The following CAPG variants were observed in gnomAD, a reference collection of about 807,000 sequenced individuals.
The protein encoded by CAPG is capping actin protein, gelsolin like.
A neutral mutation model predicts 44.6 loss-of-function variants in CAPG; 32 were observed. The observed-to-expected ratio is 0.72, with a 90% confidence interval of 0.54 to 0.96. The LOEUF (loss-of-function observed/expected upper bound fraction) is 0.96. CAPG is among the 50% of genes least tolerant of loss of function. The pLI is 0.00. For synonymous variants in CAPG, 175 were observed against 179.6 expected (o/e 0.97, Z 0.20); for missense variants, 412 against 438.3 (o/e 0.94, Z 0.54).
chr2:85,413,228 C>A (rs1687469081), upstream of CAPG: 1 of 152,264 alleles, frequency 6.6e-6, no homozygotes, highest in Non-Finnish European at 1.5e-5. Flanking sequence ...ACTCAGCTGT[C>A]TAGGCTAAAG....
chr2:85,408,197 C>T (rs983736970), intron 1 of CAPG, among the ~76,000 whole-genome samples: 1 of 152,068 alleles, frequency 6.6e-6, no homozygotes, highest in African/African-American at 2.4e-5. Flanking sequence ...ACAAAATTAG[C>T]CAGGCATGGT....
Position 85,409,417 on chromosome 2 carries a change from C to T in CAPG, c.-14+900G>A, listed in dbSNP as rs116452522. Reference sequence around the variant, plus strand: ...TCGGAGAGGAGGTCACCGTTACACACACCTTTAAGGAAAGACTTGACAGCC... The same window carrying T: ...TCGGAGAGGAGGTCACCGTTACACATACCTTTAAGGAAAGACTTGACAGCC... On this transcript the variant is annotated intron_variant, in intron 1 of 9. Coordinates refer to ENST00000263867, the MANE Select transcript of CAPG (RefSeq NM_001747.4). Among the ~76,000 whole-genome samples the T allele has an allele frequency of 5.0e-3, 767 of 152,262 alleles. 4 individuals carry two copies. Among genetic ancestry groups the T allele is most frequent in the African/African-American group, 0.018 (734 of 41,532 alleles).
At chr2:85,413,475 G>A (rs542891896), upstream of CAPG, among the ~76,000 whole-genome samples, 1 of 152,354 alleles carries the variant, frequency 6.6e-6, no homozygotes, top group Middle Eastern at 3.4e-3. Flanking sequence ...AGCTACTCGG[G>A]AGGCTAAGGC....
At chr2:85,397,373 T>C (rs1686646250) in intron 8 of CAPG, among the ~76,000 whole-genome samples, 1 of 152,202 alleles carries the variant, frequency 6.6e-6, no homozygotes. Flanking sequence ...TGAGGCTTGC[T>C]GTAGTTTCAG....
At chr2:85,400,394 C>G (rs1686823652) in intron 5 of CAPG, among the ~76,000 whole-genome samples, 2 of 152,186 alleles carry the variant, frequency 1.3e-5, no homozygotes, top group African/African-American at 4.8e-5. Context: ...TAGTCCTCAC[C>G]AAGAGCTCCT....
At chr2:85,403,245 T>G (rs766468618) in intron 1 of CAPG, among the ~76,000 whole-genome samples, 1 of 152,186 alleles carries the variant, frequency 6.6e-6, no homozygotes, top group African/African-American at 2.4e-5. Context: ...TTCAACCACT[T>G]ATATAAAATG....
upstream of CAPG, chr2:85,418,565 CG>C (rs1275787737): frequency 6.6e-6 from 1 of 151,728 alleles, no homozygotes; most frequent in African/African-American, 2.4e-5. Context: ...GGAGGGCCCT[CG>C]GGGACGGGAG....
chr2:85,396,020 A>G, intron 8 of CAPG: 1 of 193,368 alleles, frequency 5.2e-6, no homozygotes, highest in South Asian at 1.1e-4. Flanking sequence ...ACTAAATAAG[A>G]CAAAGGGTAC....
At chr2:85,409,313 G>A (rs1687314171) in intron 1 of CAPG, among the ~76,000 whole-genome samples, 1 of 152,194 alleles carries the variant, frequency 6.6e-6, no homozygotes, top group Non-Finnish European at 1.5e-5. Context: ...CCATGGGGCT[G>A]GGGGAGGGGA....
chr2:85,406,649 G>A (rs1189368136), intron 1 of CAPG, among the ~76,000 whole-genome samples: 3 of 151,870 alleles, frequency 2.0e-5, no homozygotes, highest in South Asian at 2.1e-4. Flanking sequence ...ACCTGAGGTC[G>A]GGAGTTCGAG....
At chr2:85,398,239 G>A (rs1333422285) in intron 7 of CAPG, 87 bp from the exon 8 acceptor site, 24 of 1,483,562 alleles carry the variant, frequency 1.6e-5, no homozygotes, top group Non-Finnish European at 1.7e-5. Flanking sequence ...TCCTCCCTAG[G>A]TCCCTCCCAC....
rs1344107255 is a variant in CAPG at position 85,395,484 on chromosome 2, G to C, written c.981+54C>G. 2.7e-6 allele frequency: 4 copies of C among 1,471,222 alleles called. No individual in the cohort carries two copies. The highest frequency in any genetic ancestry group is 3.8e-6 in the Non-Finnish European group (4 of 1,059,190). 91.1% of individuals were successfully genotyped at this position (1,471,222 alleles called of 1,614,324 possible). A position where few individuals can be genotyped will look rare whatever the true frequency, so the allele number is the denominator to read the frequency against. ...CCTTCCTGGCCAATTTGAGGGGTCA[G>C]GGGCCACAGGAAGAGCCCTAGGAAG... On this transcript the variant is annotated intron_variant, in intron 9 of 9. Transcript: ENST00000263867. This position sits in a 1 kb window ranked among gnomAD's most constrained non-coding sequence, Gnocchi z 4.3.
At chr2:85,400,982 T>A (rs1686855195) in intron 5 of CAPG, among the ~76,000 whole-genome samples, 183 bp downstream of exon 5, 2 of 152,246 alleles carry the variant, frequency 1.3e-5, no homozygotes, top group South Asian at 4.1e-4. Flanking sequence ...AATGTCTAGA[T>A]GGCAGAAGGA....
At position 85,404,446 on chromosome 2, in the gene CAPG, C is replaced by T. The variant is rs373205744; in HGVS notation, c.-13-2288G>A. 1.6e-4 allele frequency among the ~76,000 whole-genome samples: 24 copies of T among 152,122 alleles called. No individual in the cohort carries two copies. In the East Asian group the frequency reaches 1.7e-3, roughly 11 times the overall value. Reference sequence around the variant, plus strand: ...GCAATATAAGGAGACCACAACCCTACAAAAATTTTAAAAATCAGCCAAGGC... The same window carrying T: ...GCAATATAAGGAGACCACAACCCTATAAAAATTTTAAAAATCAGCCAAGGC... On this transcript the variant is annotated intron_variant, in intron 1 of 9. Coordinates refer to ENST00000263867, the MANE Select transcript of CAPG (RefSeq NM_001747.4).
In CAPG at chr2:85,399,250, G is replaced by A; in HGVS notation, c.552C>T (p.Ile184=). Residue 184 remains isoleucine, a synonymous_variant, in exon 6 of 10, where the codon ATC becomes ATT. Transcript: ENST00000263867. ...GGTCCCTCGCCTTGTTGCGTTCCAG[G>A]ATGTTGGACTTTCCACCACACCAGG... ...IFAWCGGKSN[I]LERNKARDLA... 1 of 1,614,192 alleles carries A rather than the reference G, an allele frequency of 6.2e-7. No homozygotes were observed. The highest frequency in any genetic ancestry group is 1.3e-5 in the African/African-American group (1 of 75,054).
rs750453148 is a variant in CAPG at position 85,399,161 on chromosome 2, C to T, written c.641G>A (p.Gly214Glu). 1 of 1,614,210 alleles carries T rather than the reference C, an allele frequency of 6.2e-7. No homozygotes were observed. The highest frequency in any genetic ancestry group is 1.7e-5 in the Admixed American group (1 of 60,038). Residue 214 changes from glycine to glutamate, a missense_variant, in exon 6 of 10, where the codon GGG (glycine) becomes GAG (glutamate). By Grantham distance (98) the Gly-to-Glu change is moderately conservative. Coordinates refer to ENST00000263867, the MANE Select transcript of CAPG (RefSeq NM_001747.4). The part of the protein sequence containing the change: ...GKAQVEIVTD[G>E]EEPAEMIQVL... ...CTGGATCATCTCAGCAGGCTCCTCC[C>T]CATCAGTGACAATCTCCACCTGGGC...
In CAPG at chr2:85,401,868, T is replaced by C; in HGVS notation, c.113A>G (p.Asn38Ser). ...KLKPVPVAQE[N>S]QGVFFSGDSY... ...GTCCCCCGAGAAGAAGACGCCCTGGTTCTCTTGCGCCACAGGCACCGGCTT... is the reference window on the plus strand; with the variant it reads ...GTCCCCCGAGAAGAAGACGCCCTGGCTCTCTTGCGCCACAGGCACCGGCTT... Residue 38 changes from asparagine to serine, a missense_variant, in exon 3 of 10, where the codon AAC becomes AGC. Asn to Ser is a conservative substitution (Grantham distance 46). Coordinates refer to ENST00000263867, the MANE Select transcript of CAPG (RefSeq NM_001747.4). 1 of 1,613,448 alleles carries C rather than the reference T, an allele frequency of 6.2e-7. No homozygotes were observed. The highest frequency in any genetic ancestry group is 1.3e-5 in the African/African-American group (1 of 74,770).
Position 85,398,753 on chromosome 2 carries a change from C to T in CAPG, c.696G>A (p.Glu232=). 6.2e-7 allele frequency: 1 copy of T among 1,607,236 alleles called. No individual in the cohort carries two copies. Among genetic ancestry groups the T allele is most frequent in the African/African-American group, 1.3e-5 (1 of 74,976 alleles). ...CTGTGAGGTCTTCCTCAGGGTTGCC[C>T]TCCTTCAGAGCAGGCTTGGGGCCCA... ...QVLGPKPALK[E]GNPEEDLTAD... Residue 232 remains glutamate, a synonymous_variant, in exon 7 of 10, where the codon GAG becomes GAA. Coordinates refer to ENST00000263867, the MANE Select transcript of CAPG (RefSeq NM_001747.4).
At position 85,398,467 on chromosome 2, in the gene CAPG, T is replaced by C. The variant is rs1024872670; in HGVS notation, c.759+223A>G. The C allele has an allele frequency of 5.1e-5, 30 of 591,062 alleles. No homozygotes were observed. In the Admixed American group the frequency reaches 5.9e-4, roughly 12 times the overall value. The allele number at this position is 591,062 out of a possible 1,614,324, so 36.6% of individuals were successfully genotyped here. A position where few individuals can be genotyped will look rare whatever the true frequency, so the allele number is the denominator to read the frequency against. On this transcript the variant is annotated intron_variant, in intron 7 of 9. Coordinates refer to ENST00000263867, the MANE Select transcript of CAPG (RefSeq NM_001747.4). ...ATTGGCTTCAAGCCTTCACCAAGCA[T>C]AGGCTGGAAGTGAGGTGCACTCATC... is the stretch of plus-strand genomic sequence containing the variant.
Sources: gnomAD v4.1 joint callset for allele counts (sites outside exome capture counted in the v4.1 genomes callset) on GRCh38, gnomAD v4.1.1 for gene constraint, Gnocchi (gnomAD v3.1) non-coding constraint, MANE v1.5 for transcripts, NCBI Gene and HGNC (gene_info 2026-07-23, HGNC 2026-07-21) for gene names.